Variants in ST6GALNAC5 observed in about 807,000 individuals in gnomAD.
ST6GALNAC5 encodes the protein alpha-N-acetylgalactosaminide alpha-2,6-sialyltransferase 5.
In ST6GALNAC5, 27 loss-of-function variants were observed where a neutral mutation model predicts 33.6. The ratio of observed to expected loss-of-function variants is 0.80; its 90% CI spans 0.59 to 1.11. The LOEUF is 1.11. Among genes scored for constraint, ST6GALNAC5 ranks in the 50% least tolerant of loss-of-function variants. The pLI is 0.00. For missense variants in ST6GALNAC5, 428 were observed against 454.0 expected, an observed-to-expected ratio of 0.94 and a Z score of 0.52; for synonymous variants, 194 against 171.2, an observed-to-expected ratio of 1.13 and a Z score of -1.04.
chr1:76,954,167 G>C (rs1251322249), intron 2 of ST6GALNAC5, among the ~76,000 whole-genome samples: 2 of 152,112 alleles, frequency 1.3e-5, no homozygotes, highest in Non-Finnish European at 2.9e-5. Flanking sequence ...AAAAAATGTG[G>C]TACATATACA....
At position 77,064,292 on chromosome 1, in the gene ST6GALNAC5, A is replaced by G. The variant is rs1439214458; in HGVS notation, c.*1086A>G. ...AGCCTTATCTACATTCATATTACTT[A>G]TATCACTCTTGTGGTTAAAACTACA... On this transcript the variant is annotated 3_prime_UTR_variant, in exon 5 of 5. Transcript: ENST00000477717. 2.6e-5 allele frequency: 4 copies of G among 152,052 alleles called. No individual in the cohort carries two copies. Among genetic ancestry groups the G allele is most frequent in the Non-Finnish European group, 5.9e-5 (4 of 68,016 alleles). The allele number at this position is 152,052 out of a possible 1,614,324, so 9.4% of individuals were successfully genotyped here.
rs1651505297 is a variant in ST6GALNAC5 at position 77,032,747 on chromosome 1, T to A, written c.262-11457T>A. Among the ~76,000 whole-genome samples, 3 of 152,166 alleles carry A rather than the reference T, an allele frequency of 2.0e-5. No homozygotes were observed. The South Asian group carries it at 6.2e-4, about 32-fold the overall frequency. On this transcript the variant is annotated intron_variant, in intron 2 of 4. Coordinates refer to ENST00000477717, the MANE Select transcript of ST6GALNAC5 (RefSeq NM_030965.3). ...TCTAACACTGTATTTATGATTCTGG[T>A]CAATTCAATATTTTTCTCATTTGGT...
intron 2 of ST6GALNAC5, among the ~76,000 whole-genome samples, chr1:76,977,967 C>A: frequency 6.6e-6 from 1 of 152,126 alleles, no homozygotes; most frequent in East Asian, 1.9e-4. Flanking sequence ...CTCCTTTCTC[C>A]ACATTCTCTC....
intron 2 of ST6GALNAC5, among the ~76,000 whole-genome samples, chr1:76,974,418 G>A (rs1459653620): frequency 6.6e-6 from 1 of 151,684 alleles, no homozygotes; most frequent in African/African-American, 2.4e-5. Flanking sequence ...TCCCAGGCAG[G>A]TCTCAAACAC....
At chr1:76,919,970 T>G (rs1342916767) in intron 2 of ST6GALNAC5, among the ~76,000 whole-genome samples, 1 of 152,030 alleles carries the variant, frequency 6.6e-6, no homozygotes, top group Non-Finnish European at 1.5e-5. Context: ...AATACGGCAT[T>G]AAAAAAGGTA....
intron 2 of ST6GALNAC5, among the ~76,000 whole-genome samples, chr1:76,981,111 G>A (rs1364806024): frequency 6.6e-6 from 1 of 152,186 alleles, no homozygotes; most frequent in Non-Finnish European, 1.5e-5. Flanking sequence ...TTCCAACTGA[G>A]GTACCTGGTT....
chr1:76,887,085 G>A (rs1466411534), intron 2 of ST6GALNAC5, among the ~76,000 whole-genome samples: 1 of 151,978 alleles, frequency 6.6e-6, no homozygotes, highest in Admixed American at 6.6e-5. Context: ...CAGCACTTGA[G>A]TCTCCAACTC....
At chr1:77,020,628 T>C (rs1039373494) in intron 2 of ST6GALNAC5, among the ~76,000 whole-genome samples, 4 of 152,164 alleles carry the variant, frequency 2.6e-5, no homozygotes, top group Non-Finnish European at 4.4e-5. Context: ...CTTGAGCTCC[T>C]GGACTCAAGA....
intron 2 of ST6GALNAC5, among the ~76,000 whole-genome samples, chr1:77,023,103 A>G (rs1370637287): frequency 6.6e-6 from 1 of 152,202 alleles, no homozygotes; most frequent in East Asian, 1.9e-4. Flanking sequence ...ATGTGAGGAC[A>G]CAGTGAGAAG....
At chr1:77,026,836 T>TGAAA (rs1553174264) in intron 2 of ST6GALNAC5, among the ~76,000 whole-genome samples, 11 of 144,504 alleles carry the variant, frequency 7.6e-5, no homozygotes, top group Non-Finnish European at 1.5e-4. Context: ...AATGAATGAA[T>TGAAA]GAAAATGTGT....
Position 77,052,645 on chromosome 1 carries a change from G to T in ST6GALNAC5, c.779+2280G>T, listed in dbSNP as rs2100472396. ...AAAGATACCAAGAATTCTGAGCAGG[G>T]GGCTGGTTCACAACTATAATCCCAG... On this transcript the variant is annotated intron_variant, in intron 4 of 4. Coordinates refer to ENST00000477717, the MANE Select transcript of ST6GALNAC5 (RefSeq NM_030965.3). Among the ~76,000 whole-genome samples the T allele has an allele frequency of 1.3e-5, 2 of 151,810 alleles. 1 individual carries two copies. Among genetic ancestry groups the T allele is most frequent in the Non-Finnish European group, 2.9e-5 (2 of 67,950 alleles).
At chr1:76,982,388 T>C (rs1649294612) in intron 2 of ST6GALNAC5, among the ~76,000 whole-genome samples, 1 of 152,152 alleles carries the variant, frequency 6.6e-6, no homozygotes, top group Non-Finnish European at 1.5e-5. Flanking sequence ...AATAGCTGAA[T>C]CAATCAAGTG....
intron 2 of ST6GALNAC5, among the ~76,000 whole-genome samples, chr1:77,000,812 C>T (rs995140773): frequency 2.6e-5 from 4 of 151,906 alleles, no homozygotes; most frequent in African/African-American, 4.8e-5. Flanking sequence ...AGATATGCGG[C>T]GTTATTTCTG....
At position 77,055,871 on chromosome 1, in the gene ST6GALNAC5, G is replaced by T. The variant is rs957371555; in HGVS notation, c.779+5506G>T. Among the ~76,000 whole-genome samples the T allele has an allele frequency of 2.6e-5, 4 of 152,238 alleles. No individual in the cohort carries two copies. In the South Asian group the frequency reaches 8.3e-4, roughly 32 times the overall value. On this transcript the variant is annotated intron_variant, in intron 4 of 4. Coordinates refer to ENST00000477717, the MANE Select transcript of ST6GALNAC5 (RefSeq NM_030965.3). The stretch of plus-strand genomic sequence containing the variant: ...TGGCATAGAGTGTATCTTCAGTACA[G>T]ATTAGTTCAATGAGAAACAAAAATA...
chr1:76,917,463 T>G (rs976285571), intron 2 of ST6GALNAC5, among the ~76,000 whole-genome samples: 4 of 152,078 alleles, frequency 2.6e-5, no homozygotes, highest in African/African-American at 9.7e-5. Context: ...CTGTGATTCA[T>G]GTTTTTGGAA....
At chr1:76,874,842 A>C (rs1047656944) in intron 2 of ST6GALNAC5, among the ~76,000 whole-genome samples, 29 of 152,172 alleles carry the variant, frequency 1.9e-4, no homozygotes, top group African/African-American at 7.0e-4. Context: ...CCCCTTGTCA[A>C]CTTGAACCCA....
chr1:76,992,545 A>T (rs1241981243), intron 2 of ST6GALNAC5, among the ~76,000 whole-genome samples: 1 of 151,978 alleles, frequency 6.6e-6, no homozygotes. Flanking sequence ...CCCAGTTTGG[A>T]GTTCGATGGT....
intron 2 of ST6GALNAC5, among the ~76,000 whole-genome samples, chr1:76,978,695 C>A (rs549759479): frequency 2.0e-5 from 3 of 152,316 alleles, no homozygotes; most frequent in Non-Finnish European, 2.9e-5. Context: ...AAATTGAAAT[C>A]TTTTCCTCTA....
At chr1:76,901,071 A>G (rs1646812909) in intron 2 of ST6GALNAC5, among the ~76,000 whole-genome samples, 1 of 152,218 alleles carries the variant, frequency 6.6e-6, no homozygotes, top group African/African-American at 2.4e-5. Context: ...GAACTTAAAG[A>G]TTGAGAAGAT....
Sources: gnomAD v4.1 joint callset for allele counts (sites outside exome capture counted in the v4.1 genomes callset) on GRCh38, gnomAD v4.1.1 for gene constraint, MANE v1.5 for transcripts, NCBI Gene and HGNC (gene_info 2026-07-23, HGNC 2026-07-21) for gene names.